ZBTB20: variants seen among roughly 807,000 people sequenced by gnomAD.
ZBTB20 encodes zinc finger and BTB domain-containing protein 20.
In ZBTB20, 9 loss-of-function variants were observed where a neutral mutation model predicts 56.9. The observed-to-expected ratio is 0.16, with a 90% confidence interval of 0.10 to 0.28. The LOEUF is 0.28. Ranked by LOEUF, ZBTB20 falls within the 10% of genes least tolerant of loss-of-function variation. The pLI, the probability that ZBTB20 is intolerant of heterozygous loss-of-function variation, is 1.00. For missense variants in ZBTB20, 655 were observed against 1,003.0 expected, an observed-to-expected ratio of 0.65 and a Z score of 4.69; for synonymous variants, 417 against 420.7, an observed-to-expected ratio of 0.99 and a Z score of 0.11.
rs548964438 is a variant in ZBTB20, at chr3:115,078,470, C to T, written c.-702-7056G>A. ...TCACATGTTTCACTCATAGGATCTT[C>T]ACTCTTAGCTAACTTCAATATTGGA... On this transcript the variant is annotated intron_variant, in intron 1 of 11. Coordinates refer to ENST00000675478, the MANE Select transcript of ZBTB20 (RefSeq NM_001348800.3). Among the ~76,000 whole-genome samples the T allele has an allele frequency of 4.0e-4, 61 of 152,134 alleles. 1 individual carries two copies. In the South Asian group the frequency reaches 7.5e-3, roughly 19 times the overall value.
intron 2 of ZBTB20, among the ~76,000 whole-genome samples, chr3:115,057,812 T>G (rs1016886366): frequency 2.0e-5 from 3 of 152,218 alleles, no homozygotes; most frequent in Non-Finnish European, 4.4e-5. Context: ...TCTTTTTATC[T>G]TTCAGCATTT....
chr3:114,828,375 C>G (rs151163175), intron 4 of ZBTB20, among the ~76,000 whole-genome samples: 1,752 of 151,832 alleles, frequency 0.012, 17 homozygotes, highest in South Asian at 0.041. Context: ...AATGCAGTTT[C>G]ACCTTTCTGG....
chr3:114,668,542 T>C (rs2061184459), intron 6 of ZBTB20, among the ~76,000 whole-genome samples: 1 of 152,056 alleles, frequency 6.6e-6, no homozygotes, highest in African/African-American at 2.4e-5. Context: ...CTTGTTTGTG[T>C]AACTGCCATC....
intron 5 of ZBTB20, among the ~76,000 whole-genome samples, chr3:114,792,956 A>G (rs1578892394): frequency 6.9e-6 from 1 of 144,040 alleles, no homozygotes; most frequent in African/African-American, 2.6e-5. Flanking sequence ...GCTCACTGCA[A>G]CCTCCGCCTC....
At chr3:114,959,423 T>G (rs987640787) in intron 3 of ZBTB20, among the ~76,000 whole-genome samples, 4 of 152,014 alleles carry the variant, frequency 2.6e-5, no homozygotes, top group African/African-American at 9.7e-5. Context: ...GAAATCCAGG[T>G]GGATTGCCCA....
chr3:114,838,116 A>G (rs1178967522), intron 4 of ZBTB20, among the ~76,000 whole-genome samples: 1 of 152,192 alleles, frequency 6.6e-6, no homozygotes, highest in Non-Finnish European at 1.5e-5. Context: ...TAGTTGTACC[A>G]TACTGTCGGA....
At chr3:114,513,106 T>C (rs1335503620) in intron 6 of ZBTB20, among the ~76,000 whole-genome samples, 1 of 152,206 alleles carries the variant, frequency 6.6e-6, no homozygotes, top group Admixed American at 6.5e-5. Context: ...GTTAAACTTG[T>C]TTTTCCTCCT....
chr3:115,141,897 G>C (rs1372541966), intron 1 of ZBTB20, among the ~76,000 whole-genome samples: 1 of 152,090 alleles, frequency 6.6e-6, no homozygotes, highest in Non-Finnish European at 1.5e-5. Flanking sequence ...AAACTTGATA[G>C]ATGTCAAGAT....
chr3:114,383,071 A>C (rs769606206), intron 8 of ZBTB20, among the ~76,000 whole-genome samples: 2 of 152,214 alleles, frequency 1.3e-5, no homozygotes, highest in Non-Finnish European at 2.9e-5. Context: ...TCTGAATCCC[A>C]ATTAAGTTTC....
At chr3:114,567,260 A>G (rs903526763) in intron 6 of ZBTB20, among the ~76,000 whole-genome samples, 1 of 152,174 alleles carries the variant, frequency 6.6e-6, no homozygotes, top group African/African-American at 2.4e-5. Context: ...AATGATGGAC[A>G]TTTCTAGCAA....
chr3:114,408,062 C>T lies in ZBTB20; in HGVS notation c.-254-18957G>A, dbSNP rs952667803. Among the ~76,000 whole-genome samples the T allele has an allele frequency of 3.3e-5, 5 of 152,138 alleles. No homozygotes were observed. In the East Asian group the frequency reaches 5.8e-4, roughly 18 times the overall value. ...AGTACATGGAAATATTCCATGATCA[C>T]GTTTTCAGCTCATTCTAGTCGTCTG... On this transcript the variant is annotated intron_variant, in intron 7 of 11. Transcript: ENST00000675478.
At chr3:114,806,730 C>T (rs564646471) in intron 4 of ZBTB20, among the ~76,000 whole-genome samples, 24 of 151,922 alleles carry the variant, frequency 1.6e-4, no homozygotes, top group Non-Finnish European at 2.5e-4. Flanking sequence ...TTTTAGCTCT[C>T]ACATTTAGGC....
intron 4 of ZBTB20, among the ~76,000 whole-genome samples, chr3:114,897,317 A>G (rs2074924392): frequency 6.6e-6 from 1 of 152,116 alleles, no homozygotes; most frequent in Admixed American, 6.6e-5. Context: ...AGCCTAGCAC[A>G]ATTTCTAGCA....
rs954799273 is a variant in ZBTB20, at chr3:114,331,656, T to C, written c.*7349A>G. The stretch of plus-strand genomic sequence containing the variant: ...ATGCACTCTACTCCACATAAGCATA[T>C]TCAAGTTTCTCATGAAACGGATACA... On this transcript the variant is annotated 3_prime_UTR_variant, in exon 12 of 12. Transcript: ENST00000675478. The C allele has an allele frequency of 4.6e-5, 7 of 152,216 alleles. No homozygotes were observed. The highest frequency in any genetic ancestry group is 1.7e-4 in the African/African-American group (7 of 41,464). 9.4% of individuals were successfully genotyped at this position (152,216 alleles called of 1,614,324 possible).
intron 2 of ZBTB20, among the ~76,000 whole-genome samples, chr3:115,063,093 ATCAT>A (rs1259917181): frequency 2.0e-5 from 3 of 152,182 alleles, no homozygotes; most frequent in African/African-American, 7.2e-5. Context: ...CATTGTTTTT[ATCAT>A]TCAAACAGCA....
intron 6 of ZBTB20, among the ~76,000 whole-genome samples, chr3:114,555,135 A>G (rs2051042962): frequency 6.6e-6 from 1 of 152,118 alleles, no homozygotes; most frequent in Admixed American, 6.6e-5. Context: ...TAAAAACCTG[A>G]CAATTATCAG....
chr3:114,400,007 C>T (rs991662777), intron 7 of ZBTB20, among the ~76,000 whole-genome samples: 22 of 152,138 alleles, frequency 1.4e-4, no homozygotes, highest in African/African-American at 5.1e-4. Flanking sequence ...GCAGTTTAAG[C>T]GGGCTAGCTA....
At chr3:115,047,725 G>A (rs547770273) in intron 2 of ZBTB20, among the ~76,000 whole-genome samples, 2 of 152,284 alleles carry the variant, frequency 1.3e-5, no homozygotes, top group African/African-American at 4.8e-5. Flanking sequence ...CCTGTTGGTT[G>A]AGATAAACAC....
chr3:114,443,413 T>C (rs1348714664), intron 7 of ZBTB20, among the ~76,000 whole-genome samples: 2 of 152,160 alleles, frequency 1.3e-5, no homozygotes, highest in African/African-American at 2.4e-5. Context: ...GTGGGGAACC[T>C]GAAAAATCAT....
Sources: gnomAD v4.1 joint callset for allele counts (sites outside exome capture counted in the v4.1 genomes callset) on GRCh38, gnomAD v4.1.1 for gene constraint, MANE v1.5 for transcripts, NCBI Gene and HGNC (gene_info 2026-07-23, HGNC 2026-07-21) for gene names.